The following DPP6 variants were observed in gnomAD, a reference collection of about 807,000 sequenced individuals.
DPP6 encodes the protein dipeptidyl peptidase like 6.
DPP6 carries 69 observed loss-of-function variants against 122.6 expected under a neutral mutation model. The ratio of observed to expected loss-of-function variants is 0.56; its 90% CI spans 0.46 to 0.69. DPP6 has a LOEUF of 0.69. Ranked by LOEUF, DPP6 falls within the 30% of genes least tolerant of loss-of-function variation. The pLI, the probability that DPP6 is intolerant of heterozygous loss-of-function variation, is 0.00. For synonymous variants in DPP6, 418 were observed against 433.1 expected (o/e 0.97, Z 0.43); for missense variants, 928 against 1,116.9 (o/e 0.83, Z 2.41).
intron 1 of DPP6, among the ~76,000 whole-genome samples, chr7:153,980,784 C>G (rs1796544005): frequency 6.6e-6 from 1 of 152,180 alleles, no homozygotes; most frequent in African/African-American, 2.4e-5. Context: ...TTACTTATTT[C>G]TGCCTTAATT....
chr7:154,470,429 C>G (rs1822159895), intron 2 of DPP6, among the ~76,000 whole-genome samples: 1 of 152,192 alleles, frequency 6.6e-6, no homozygotes, highest in African/African-American at 2.4e-5. Flanking sequence ...GGTAGATTTT[C>G]TTTGTTACCA....
At position 154,637,743 on chromosome 7, in the gene DPP6, A is replaced by G. The variant is rs566765788; in HGVS notation, c.628-78A>G. 4.8e-5 allele frequency: 69 copies of G among 1,450,674 alleles called. No individual in the cohort carries two copies. In the African/African-American group the frequency reaches 7.9e-4, roughly 17 times the overall value. 89.9% of individuals were successfully genotyped at this position (1,450,674 alleles called of 1,614,324 possible). A position where few individuals can be genotyped will look rare whatever the true frequency, so the allele number is the denominator to read the frequency against. On this transcript the variant is annotated intron_variant, in intron 5 of 25. Coordinates refer to ENST00000377770, the MANE Select transcript of DPP6 (RefSeq NM_130797.4). ...TTTTGGTTCACTGATGTTTGTTAGG[A>G]TTCACAGTGATTTGAAAAATATCAT...
At chr7:153,970,033 A>G (rs1191217795) in intron 1 of DPP6, among the ~76,000 whole-genome samples, 4 of 152,170 alleles carry the variant, frequency 2.6e-5, no homozygotes, top group African/African-American at 9.7e-5. Context: ...TGTTATTATT[A>G]TGTAGAATTT....
intron 1 of DPP6, among the ~76,000 whole-genome samples, chr7:153,963,617 G>T (rs1795475613): frequency 6.6e-6 from 1 of 151,990 alleles, no homozygotes. Flanking sequence ...GAGCATGACT[G>T]CCCAAGCCCC....
At chr7:154,786,390 A>G (rs1337825722) in intron 10 of DPP6, among the ~76,000 whole-genome samples, 2 of 152,140 alleles carry the variant, frequency 1.3e-5, no homozygotes, top group Non-Finnish European at 2.9e-5. Context: ...CTCATCTTGA[A>G]TTGTAGTTTC....
intron 1 of DPP6, chr7:154,305,572 CCG>C: frequency 1.3e-6 from 2 of 1,587,418 alleles, no homozygotes; most frequent in South Asian, 1.2e-5. Flanking sequence ...TTTTGGGGGT[CCG>C]TGTGTGTGTG....
intron 5 of DPP6, among the ~76,000 whole-genome samples, chr7:154,580,964 G>A (rs62477174): frequency 6.6e-5 from 10 of 152,134 alleles, no homozygotes; most frequent in Non-Finnish European, 4.4e-5. Context: ...TGCCTATTGC[G>A]GCCACCTTCC....
In DPP6 at chr7:154,624,599, G is replaced by A. The variant is rs566372505; in HGVS notation, c.628-13222G>A. Among the ~76,000 whole-genome samples the A allele has an allele frequency of 2.0e-5, 3 of 152,166 alleles. No individual in the cohort carries two copies. The highest frequency in any genetic ancestry group is 2.9e-5 in the Non-Finnish European group (2 of 68,026). On this transcript the variant is annotated intron_variant, in intron 5 of 25. Transcript: ENST00000377770. The surrounding 1 kb of genome is among the most constrained non-coding windows in gnomAD (Gnocchi z 4.7). ...AGTTGTCACCAGGCATTTGTTCAGG[G>A]CATGTGGGCACTAAGAGGATGACCC...
chr7:154,799,823 C>G (rs572011227), intron 12 of DPP6, among the ~76,000 whole-genome samples: 15 of 152,282 alleles, frequency 9.9e-5, no homozygotes, highest in African/African-American at 3.6e-4. Flanking sequence ...AATCCAGGTC[C>G]CCTGGTCAAC....
At chr7:154,822,395 GC>G (rs1198199840) in intron 16 of DPP6, among the ~76,000 whole-genome samples, 3 of 152,106 alleles carry the variant, frequency 2.0e-5, no homozygotes, top group Non-Finnish European at 4.4e-5. Flanking sequence ...GCTCTCTTGG[GC>G]CTTTTTTATT....
At position 154,833,348 on chromosome 7, in the gene DPP6, G is replaced by C. The variant is rs1298113014; in HGVS notation, c.1667-20432G>C. The stretch of plus-strand genomic sequence containing the variant: ...AAGGGCTGTAGGAAGCCAAGAAAAG[G>C]AGTGTTTGGTAACTGGTAAAAATGG... On this transcript the variant is annotated intron_variant, in intron 16 of 25. Transcript: ENST00000377770. This position sits in a 1 kb window ranked among gnomAD's most constrained non-coding sequence, Gnocchi z 4.3. 2.6e-5 allele frequency among the ~76,000 whole-genome samples: 4 copies of C among 152,238 alleles called. No individual in the cohort carries two copies. The highest frequency in any genetic ancestry group is 4.4e-5 in the Non-Finnish European group (3 of 68,046).
intron 1 of DPP6, among the ~76,000 whole-genome samples, chr7:154,373,879 G>T (rs1055502214): frequency 6.6e-6 from 1 of 152,110 alleles, no homozygotes; most frequent in Non-Finnish European, 1.5e-5. Flanking sequence ...GGAATCTGAT[G>T]GTATTTGTCC....
Position 153,942,184 on chromosome 7 carries a change from C to T in DPP6, c.51+54450C>T, listed in dbSNP as rs181660012. 1.7e-3 allele frequency among the ~76,000 whole-genome samples: 252 copies of T among 152,300 alleles called. 1 individual carries two copies. The highest frequency in any genetic ancestry group is 3.4e-3 in the Middle Eastern group (1 of 294). On this transcript the variant is annotated intron_variant, in intron 1 of 25. Transcript: ENST00000404039. ...ACATTTATGTACTCATTCAATTCAC[C>T]GCTGCCTTTTTATCACGCATCTTCT...
Position 153,998,510 on chromosome 7 carries a change from G to A in DPP6, c.51+110776G>A, listed in dbSNP as rs1182340730. ...AAAGCTCAGAATCTTCAGGACATCT[G>A]CCTCTACTACCTTATGCTAGACCTT... On this transcript the variant is annotated intron_variant, in intron 1 of 25. Coordinates refer to the DPP6 transcript ENST00000404039. Among the ~76,000 whole-genome samples the A allele has an allele frequency of 7.9e-5, 12 of 152,288 alleles. No homozygotes were observed. In the East Asian group the frequency reaches 2.3e-3, roughly 29 times the overall value.
intron 1 of DPP6, among the ~76,000 whole-genome samples, chr7:154,117,956 T>C (rs71532635): frequency 0.011 from 1,568 of 147,980 alleles, 18 homozygotes; most frequent in African/African-American, 0.039. Context: ...CCGAACAGTC[T>C]GCTTTAGGGC....
At chr7:154,245,535 C>A (rs1801921783) in intron 1 of DPP6, among the ~76,000 whole-genome samples, 1 of 148,672 alleles carries the variant, frequency 6.7e-6, no homozygotes, top group South Asian at 2.1e-4. Flanking sequence ...ACTTGGGAGG[C>A]TGAGGCAGGA....
At chr7:154,334,920 AAT>A (rs1809271440) in intron 1 of DPP6, among the ~76,000 whole-genome samples, 1 of 152,164 alleles carries the variant, frequency 6.6e-6, no homozygotes, top group Non-Finnish European at 1.5e-5. Flanking sequence ...AGAAAAAAAA[AAT>A]ACAACAATGT....
intron 1 of DPP6, among the ~76,000 whole-genome samples, chr7:154,032,869 A>ACCT (rs1799321641): frequency 5.9e-5 from 1 of 17,064 alleles, no homozygotes; most frequent in African/African-American, 2.6e-4. Context: ...ATCCCCCCCT[A>ACCT]CCCCCTTGTT....
chr7:154,724,061 A>G (rs1297680496), intron 7 of DPP6, among the ~76,000 whole-genome samples: 1 of 152,182 alleles, frequency 6.6e-6, no homozygotes, highest in Non-Finnish European at 1.5e-5. Flanking sequence ...ATTTGGCTGC[A>G]TATTGTAATC....
Sources: gnomAD v4.1 joint callset for allele counts (sites outside exome capture counted in the v4.1 genomes callset) on GRCh38, gnomAD v4.1.1 for gene constraint, Gnocchi (gnomAD v3.1) non-coding constraint, MANE v1.5 for transcripts, NCBI Gene and HGNC (gene_info 2026-07-23, HGNC 2026-07-21) for gene names.